ACTA2: variants seen among roughly 807,000 people sequenced by gnomAD.
ACTA2 encodes the protein actin alpha 2, smooth muscle.
Under a neutral mutation model 39.5 loss-of-function variants are expected in ACTA2, and 12 were observed. The ratio of observed to expected loss-of-function variants is 0.30; its 90% CI spans 0.19 to 0.49. The LOEUF is 0.49. Among genes scored for constraint, ACTA2 ranks in the 20% least tolerant of loss-of-function variants. The pLI, the probability that ACTA2 is intolerant of heterozygous loss-of-function variation, is 0.99. For missense variants in ACTA2, 236 were observed against 498.8 expected (o/e 0.47, Z 5.02); for synonymous variants, 158 against 180.6 (o/e 0.88, Z 1.00).
At chr10:88,988,443 T>TTTTTA (rs1554846019) in intron 1 of ACTA2, among the ~76,000 whole-genome samples, 2 of 142,368 alleles carry the variant, frequency 1.4e-5, no homozygotes, top group Non-Finnish European at 1.5e-5. Context: ...TTTTGTTTTT[T>TTTTTA]ATCTTAACTC....
At chr10:88,988,373 A>C (rs1203593960) in intron 1 of ACTA2, among the ~76,000 whole-genome samples, 1 of 151,954 alleles carries the variant, frequency 6.6e-6, no homozygotes, top group Non-Finnish European at 1.5e-5. Flanking sequence ...ATTAGGACCA[A>C]AGGGGAAAAG....
intron 1 of ACTA2, among the ~76,000 whole-genome samples, chr10:88,980,979 A>T (rs1846696761): frequency 6.6e-6 from 1 of 152,230 alleles, no homozygotes. Context: ...TTTGCCTTAT[A>T]TGAAAAGTGG....
At chr10:88,959,331 C>G (rs976151953) in intron 1 of ACTA2, among the ~76,000 whole-genome samples, 2 of 152,168 alleles carry the variant, frequency 1.3e-5, no homozygotes, top group African/African-American at 2.4e-5. Context: ...TAAATCAGAG[C>G]ATCTGAGATG....
intron 5 of ACTA2, 89 bp from the exon 6 acceptor site, chr10:88,941,479 G>A: frequency 6.6e-7 from 1 of 1,521,692 alleles, no homozygotes; most frequent in Non-Finnish European, 9.1e-7. Flanking sequence ...GGGGGAGAGG[G>A]AATTTCCGAG....
At chr10:88,955,415 C>T (rs549506230), upstream of ACTA2, among the ~76,000 whole-genome samples, 1 of 152,292 alleles carries the variant, frequency 6.6e-6, no homozygotes, top group South Asian at 2.1e-4. Flanking sequence ...TGAGAAGACA[C>T]AGTGAGAGCA....
At chr10:88,935,711 A>C (rs1167617170) in intron 8 of ACTA2, 2 of 337,166 alleles carry the variant, frequency 5.9e-6, no homozygotes, top group Non-Finnish European at 1.2e-5. Context: ...CTGCCTCAGA[A>C]TTCAACACGA....
chr10:88,968,118 G>A (rs1846353709), intron 1 of ACTA2, among the ~76,000 whole-genome samples: 2 of 152,032 alleles, frequency 1.3e-5, no homozygotes, highest in South Asian at 2.1e-4. Context: ...AGTAGTTTCT[G>A]TGTTTGCAGT....
chr10:88,974,112 G>GT (rs1000624870), intron 1 of ACTA2: 1 of 152,032 alleles, frequency 6.6e-6, no homozygotes, highest in African/African-American at 2.4e-5. Flanking sequence ...TCTGTTTTGT[G>GT]TATTTACATA....
intron 1 of ACTA2, among the ~76,000 whole-genome samples, chr10:88,965,448 C>A (rs903682000): frequency 1.3e-5 from 2 of 152,160 alleles, no homozygotes; most frequent in African/African-American, 4.8e-5. Flanking sequence ...AAGGGACATT[C>A]TCTGGCTGTA....
intron 4 of ACTA2, among the ~76,000 whole-genome samples, chr10:88,942,270 TC>T (rs1246328814): frequency 6.6e-6 from 1 of 152,138 alleles, no homozygotes; most frequent in East Asian, 1.9e-4. Flanking sequence ...AGTGCAGACA[TC>T]CTAGGGCTTG....
chr10:88,951,102 T>A (rs919042286), intron 1 of ACTA2, among the ~76,000 whole-genome samples: 1 of 152,098 alleles, frequency 6.6e-6, no homozygotes, highest in Admixed American at 6.5e-5. Flanking sequence ...CCTTTCCAGA[T>A]GCTGAATTAT....
chr10:88,983,103 T>C (rs1379498378), intron 1 of ACTA2, among the ~76,000 whole-genome samples: 1 of 152,216 alleles, frequency 6.6e-6, no homozygotes, highest in African/African-American at 2.4e-5. Flanking sequence ...ATATTGAGGT[T>C]TGAAATGCAC....
intron 7 of ACTA2, 60 bp downstream of exon 7, chr10:88,939,447 G>A (rs1287363517): frequency 1.2e-6 from 2 of 1,603,990 alleles, no homozygotes; most frequent in Non-Finnish European, 1.7e-6. Context: ...TCTGGAGGCT[G>A]GCTTGATATG....
intron 7 of ACTA2, among the ~76,000 whole-genome samples, chr10:88,939,080 C>G (rs1315249082): frequency 6.6e-6 from 1 of 152,168 alleles, no homozygotes; most frequent in East Asian, 1.9e-4. Context: ...TCACCCCTCT[C>G]AGAGCCTGCC....
chr10:88,987,074 T>C (rs1335491319), intron 1 of ACTA2, among the ~76,000 whole-genome samples: 1 of 152,218 alleles, frequency 6.6e-6, no homozygotes, highest in Non-Finnish European at 1.5e-5. Context: ...CAAGAACCCA[T>C]ACATATTTCT....
intron 1 of ACTA2, among the ~76,000 whole-genome samples, chr10:88,985,912 A>G (rs990052978): frequency 2.6e-5 from 4 of 152,172 alleles, no homozygotes; most frequent in Admixed American, 2.6e-4. Context: ...TTGGGAAACA[A>G]TTTTTATTGG....
chr10:88,963,073 C>T (rs190660721), intron 1 of ACTA2, among the ~76,000 whole-genome samples: 155 of 150,244 alleles, frequency 1.0e-3, no homozygotes, highest in Admixed American at 2.3e-3. Context: ...GTCACGAGAA[C>T]AGCACAGAAA....
At chr10:88,991,267 C>A (rs998757849) in exon 1 of ACTA2, 2 of 442,188 alleles carry the variant, frequency 4.5e-6, no homozygotes, top group East Asian at 4.1e-5. Context: ...GCTTTAGGGT[C>A]GCTGGAGGGG....
chr10:88,986,133 C>A (rs1007132333), intron 1 of ACTA2, among the ~76,000 whole-genome samples: 2 of 152,052 alleles, frequency 1.3e-5, no homozygotes, highest in African/African-American at 4.8e-5. Context: ...ACAGAAATGG[C>A]AAAATAGATT....
Sources: allele counts gnomAD v4.1 joint callset (sites outside exome capture counted in the v4.1 genomes callset), GRCh38; gene constraint gnomAD v4.1.1; transcripts MANE v1.5; gene names NCBI Gene and HGNC (gene_info 2026-07-23, HGNC 2026-07-21).